The following ALKBH1 variants were observed in gnomAD, a reference collection of about 807,000 sequenced individuals.
ALKBH1 encodes the protein nucleic acid dioxygenase ALKBH1.
A neutral mutation model predicts 36.6 loss-of-function variants in ALKBH1; 31 were observed. The ratio of observed to expected loss-of-function variants is 0.85; its 90% CI spans 0.64 to 1.14. ALKBH1 has a LOEUF of 1.14. Ranked by LOEUF, ALKBH1 falls within the 50% of genes most tolerant of loss-of-function variation. The pLI is 0.00. For synonymous variants in ALKBH1, 183 were observed against 186.6 expected, an observed-to-expected ratio of 0.98 and a Z score of 0.16; for missense variants, 490 against 497.3, an observed-to-expected ratio of 0.99 and a Z score of 0.14.
intron 3 of ALKBH1, among the ~76,000 whole-genome samples, chr14:77,680,677 C>CTTTTTTTTTTTTTTTTTTTTT (rs1555383644): frequency 2.4e-5 from 3 of 124,348 alleles, no homozygotes; most frequent in African/African-American, 9.6e-5. Flanking sequence ...ATTAACTACT[C>CTTTTTTTTTTTTTTTTTTTTT]TTTTTTTTTT....
intron 3 of ALKBH1, among the ~76,000 whole-genome samples, chr14:77,690,851 G>C (rs1277413924): frequency 1.3e-5 from 2 of 151,972 alleles, no homozygotes; most frequent in Admixed American, 1.3e-4. Context: ...GCCCAGGCTG[G>C]AGTGCAATGG....
intron 3 of ALKBH1, among the ~76,000 whole-genome samples, chr14:77,689,139 T>C (rs1239332201): frequency 6.6e-6 from 1 of 152,196 alleles, no homozygotes; most frequent in Non-Finnish European, 1.5e-5. Flanking sequence ...CTATACAATT[T>C]TCTCTACTGA....
At chr14:77,693,427 T>G (rs757590010) in intron 3 of ALKBH1, among the ~76,000 whole-genome samples, 1 of 152,182 alleles carries the variant, frequency 6.6e-6, no homozygotes, top group Non-Finnish European at 1.5e-5. Flanking sequence ...GGAACTGTTT[T>G]TTATCTGCCT....
intron 1 of ALKBH1, among the ~76,000 whole-genome samples, chr14:77,707,152 C>T (rs543283777): frequency 6.6e-6 from 1 of 152,238 alleles, no homozygotes; most frequent in Non-Finnish European, 1.5e-5. Context: ...CTTGCCATGC[C>T]CCAGGCTGGT....
chr14:77,703,861 G>C (rs553943341), intron 2 of ALKBH1, among the ~76,000 whole-genome samples: 75 of 152,178 alleles, frequency 4.9e-4, no homozygotes, highest in Non-Finnish European at 9.1e-4. Context: ...GCATCTCAAA[G>C]TTCTGGGATT....
intron 3 of ALKBH1, among the ~76,000 whole-genome samples, chr14:77,682,227 A>G (rs2139847402): frequency 6.6e-6 from 1 of 152,324 alleles, no homozygotes; most frequent in Middle Eastern, 3.4e-3. Context: ...TATGAAAAAA[A>G]TGTAATGTAG....
chr14:77,675,696 T>C lies in ALKBH1; in HGVS notation c.700A>G (p.Arg234Gly), dbSNP rs779513204. 1.2e-6 allele frequency: 2 copies of C among 1,614,182 alleles called. No individual in the cohort carries two copies. Among genetic ancestry groups the C allele is most frequent in the Non-Finnish European group, 1.7e-6 (2 of 1,180,024 alleles). ...GGTTTGGAGTGATCTAGCTCAGATC[T>C]GTCTACGTGGATTCCCAGTGTGGAG... ...LDSTLGIHVD[R>G]SELDHSKPLL... Residue 234 changes from arginine to glycine, a missense_variant, in exon 5 of 6, where the codon AGA becomes GGA. Arg to Gly is a moderately radical substitution (Grantham distance 125). Transcript: ENST00000216489.
intron 1 of ALKBH1, among the ~76,000 whole-genome samples, chr14:77,706,242 T>C (rs954651564): frequency 7.2e-5 from 11 of 152,152 alleles, no homozygotes; most frequent in African/African-American, 2.7e-4. Flanking sequence ...AAAAGGGCTA[T>C]ATGAAACCCT....
At chr14:77,706,325 T>C (rs916701476) in intron 1 of ALKBH1, among the ~76,000 whole-genome samples, 1 of 152,160 alleles carries the variant, frequency 6.6e-6, no homozygotes, top group Non-Finnish European at 1.5e-5. Flanking sequence ...TTTGTCATGA[T>C]TTCTTTAATA....
intron 3 of ALKBH1, among the ~76,000 whole-genome samples, chr14:77,686,726 T>C (rs1478721454): frequency 2.0e-5 from 3 of 152,134 alleles, no homozygotes. Context: ...TGGGTTCAAG[T>C]GATTCTCCTG....
intron 3 of ALKBH1, 118 bp downstream of exon 3, chr14:77,694,620 G>T: frequency 4.0e-6 from 3 of 751,218 alleles, no homozygotes; most frequent in Non-Finnish European, 5.8e-6. Context: ...TGGAAACAAT[G>T]AAGGGAAAAA....
chr14:77,673,961 T>C lies in ALKBH1; in HGVS notation c.1021A>G (p.Met341Val), dbSNP rs972008706. 8.7e-6 allele frequency: 14 copies of C among 1,614,090 alleles called. No individual in the cohort carries two copies. The East Asian group carries it at 8.9e-5, about 10-fold the overall frequency. Residue 341 changes from methionine (M) to valine (V), a missense_variant, in exon 6 of 6, where the codon ATG (methionine) becomes GTG (valine). Met to Val is a conservative substitution (Grantham distance 21). Transcript: ENST00000216489. The stretch of plus-strand genomic sequence containing the variant: ...GTGGCCAGGACCTGTCGGACAGTCA[T>C]GTTAACACGAGCGGTCTTCAAGTAG... ...ASYLKTARVN[M>V]TVRQVLATDQ...
At chr14:77,689,446 A>G (rs976348936) in intron 3 of ALKBH1, among the ~76,000 whole-genome samples, 7 of 152,232 alleles carry the variant, frequency 4.6e-5, no homozygotes, top group African/African-American at 1.7e-4. Context: ...TAGTGAAAAT[A>G]AGAAGAAAAG....
chr14:77,693,224 A>AAAC (rs369220185), intron 3 of ALKBH1, among the ~76,000 whole-genome samples: 11,472 of 126,392 alleles, frequency 0.091, 709 homozygotes, highest in Non-Finnish European at 0.13. Flanking sequence ...AAAAAAAAAA[A>AAAC]TTTTTTTTCA....
chr14:77,694,728 C>A lies in ALKBH1; in HGVS notation c.455+10G>T. On this transcript the variant is annotated intron_variant, in intron 3 of 5. Coordinates refer to ENST00000216489, the MANE Select transcript of ALKBH1 (RefSeq NM_006020.3). ...AGTATTAACACTTCATTCTGATTGACAAGACTTACCTCAGGAACTCTTTGC... is the reference window on the plus strand; with the variant it reads ...AGTATTAACACTTCATTCTGATTGAAAAGACTTACCTCAGGAACTCTTTGC... 2 of 1,570,424 alleles carry A rather than the reference C, an allele frequency of 1.3e-6. No homozygotes were observed. Among genetic ancestry groups the A allele is most frequent in the Non-Finnish European group, 1.7e-6 (2 of 1,161,552 alleles).
At chr14:77,679,674 G>A (rs1437469042) in intron 4 of ALKBH1, among the ~76,000 whole-genome samples, 4 of 151,850 alleles carry the variant, frequency 2.6e-5, no homozygotes, top group Non-Finnish European at 5.9e-5. Context: ...TAAGTGATCC[G>A]CCCACCTCAG....
At chr14:77,680,907 C>G (rs144595707) in intron 3 of ALKBH1, among the ~76,000 whole-genome samples, 4,107 of 152,084 alleles carry the variant, frequency 0.027, 134 homozygotes, top group Admixed American at 0.09. Flanking sequence ...AACTCCTGAC[C>G]TCAGGTGATC....
intron 3 of ALKBH1, among the ~76,000 whole-genome samples, chr14:77,681,310 G>A (rs765085404): frequency 2.6e-5 from 4 of 152,130 alleles, no homozygotes; most frequent in Non-Finnish European, 5.9e-5. Flanking sequence ...GTCAGCTGTC[G>A]AATCAGTTGG....
chr14:77,701,691 G>C (rs554867041), intron 2 of ALKBH1, among the ~76,000 whole-genome samples: 1 of 152,132 alleles, frequency 6.6e-6, no homozygotes, highest in African/African-American at 2.4e-5. Flanking sequence ...CTCAGAGTAA[G>C]AAGAGACTGT....
Sources: allele counts gnomAD v4.1 joint callset (sites outside exome capture counted in the v4.1 genomes callset), GRCh38; gene constraint gnomAD v4.1.1; transcripts MANE v1.5; gene names NCBI Gene and HGNC (gene_info 2026-07-23, HGNC 2026-07-21).